The following SLC20A2 variants were observed in gnomAD, a reference collection of about 807,000 sequenced individuals.
SLC20A2 encodes solute carrier family 20 member 2.
A neutral mutation model predicts 61.0 loss-of-function variants in SLC20A2; 30 were observed. The observed-to-expected ratio is 0.49, with a 90% CI of 0.37 to 0.67. The LOEUF is 0.67. SLC20A2 is among the 30% of genes least tolerant of loss of function. SLC20A2 has a pLI of 0.00. For synonymous variants in SLC20A2, 351 were observed against 353.3 expected (o/e 0.99, Z 0.07); for missense variants, 626 against 866.4 (o/e 0.72, Z 3.48).
At chr8:42,509,166 T>C (rs1332699222) in intron 1 of SLC20A2, among the ~76,000 whole-genome samples, 1 of 152,254 alleles carries the variant, frequency 6.6e-6, no homozygotes, top group Non-Finnish European at 1.5e-5. Flanking sequence ...TATATAGATA[T>C]AGATAGGCAT....
chr8:42,493,522 C>T lies in SLC20A2; in HGVS notation c.-265+7509G>A, dbSNP rs11996467. 9.2e-3 allele frequency among the ~76,000 whole-genome samples: 1,395 copies of T among 152,206 alleles called. 9 individuals carry two copies. Among genetic ancestry groups the T allele is most frequent in the African/African-American group, 0.032 (1,331 of 41,524 alleles). ...GCTTTGAATTTAACATTCTGAACTC[C>T]GGGCCCTTCTGAAATTTTAATGGAT... On this transcript the variant is annotated intron_variant, in intron 1 of 10. Coordinates refer to ENST00000520262, the MANE Select transcript of SLC20A2 (RefSeq NM_001257180.2).
intron 10 of SLC20A2, among the ~76,000 whole-genome samples, chr8:42,419,412 AT>A (rs1206288491): frequency 5.3e-5 from 8 of 152,114 alleles, no homozygotes; most frequent in Non-Finnish European, 1.2e-4. Flanking sequence ...TCTACTAAAA[AT>A]AAAAAAAATT....
chr8:42,498,002 T>C (rs1810055366), intron 1 of SLC20A2, among the ~76,000 whole-genome samples: 1 of 152,138 alleles, frequency 6.6e-6, no homozygotes, highest in Non-Finnish European at 1.5e-5. Flanking sequence ...CCCTAACTAA[T>C]ATTACAGTTG....
At chr8:42,527,039 G>A (rs1301223478) in intron 1 of SLC20A2, among the ~76,000 whole-genome samples, 1 of 151,496 alleles carries the variant, frequency 6.6e-6, no homozygotes, top group African/African-American at 2.4e-5. Context: ...TGAGAATCGA[G>A]GCTGCAGTGA....
At chr8:42,516,878 A>C (rs975565916) in intron 1 of SLC20A2, among the ~76,000 whole-genome samples, 29 of 152,186 alleles carry the variant, frequency 1.9e-4, no homozygotes. Context: ...CTAGGCACCC[A>C]TCAGTGCAAC....
At chr8:42,488,940 T>TG (rs1192267283) in intron 1 of SLC20A2, among the ~76,000 whole-genome samples, 6 of 142,610 alleles carry the variant, frequency 4.2e-5, no homozygotes, top group Non-Finnish European at 1.5e-5. Context: ...GTTTTGTTTT[T>TG]TTTTTTTTTT....
At chr8:42,466,545 A>T (rs555117238) in intron 2 of SLC20A2, among the ~76,000 whole-genome samples, 1 of 152,370 alleles carries the variant, frequency 6.6e-6, no homozygotes, top group East Asian at 1.9e-4. Flanking sequence ...CTAGAAAGGC[A>T]ATATATTGGG....
At chr8:42,439,095 A>G (rs1184085485) in intron 7 of SLC20A2, among the ~76,000 whole-genome samples, 2 of 152,274 alleles carry the variant, frequency 1.3e-5, no homozygotes, top group East Asian at 1.9e-4. Context: ...TTCTCTTTGC[A>G]TCTTCCATAG....
At chr8:42,436,205 G>A (rs1039335625) in intron 8 of SLC20A2, among the ~76,000 whole-genome samples, 1 of 151,962 alleles carries the variant, frequency 6.6e-6, no homozygotes, top group African/African-American at 2.4e-5. Flanking sequence ...TGTGCACTCT[G>A]CCTCCTGCCT....
chr8:42,494,014 G>A (rs976458065), intron 1 of SLC20A2, among the ~76,000 whole-genome samples: 2 of 152,146 alleles, frequency 1.3e-5, no homozygotes, highest in Admixed American at 6.6e-5. Context: ...GTCGTGGTGT[G>A]TGCCAGTAGT....
chr8:42,534,229 C>T (rs989385934), intron 1 of SLC20A2, among the ~76,000 whole-genome samples: 6 of 151,894 alleles, frequency 4.0e-5, no homozygotes, highest in African/African-American at 1.5e-4. Context: ...CAGTTAGCCG[C>T]GATCGCATCA....
At chr8:42,511,629 A>T (rs1187483249) in intron 1 of SLC20A2, among the ~76,000 whole-genome samples, 1 of 151,458 alleles carries the variant, frequency 6.6e-6, no homozygotes, top group Non-Finnish European at 1.5e-5. Flanking sequence ...TCCATCTCAA[A>T]AAAAAAAAAG....
At chr8:42,515,967 T>G (rs1166994071) in intron 1 of SLC20A2, among the ~76,000 whole-genome samples, 1 of 152,178 alleles carries the variant, frequency 6.6e-6, no homozygotes, top group Admixed American at 6.5e-5. Context: ...ATGACACCAG[T>G]GCCACACAGA....
rs746457953 is a variant in SLC20A2, at chr8:42,463,100, T to TA, written c.431-11dup. The TA allele has an allele frequency of 2.5e-3, 3,538 of 1,425,340 alleles. No homozygotes were observed. The highest frequency in any genetic ancestry group is 4.4e-3 in the African/African-American group (300 of 68,678). 88.3% of individuals were successfully genotyped at this position (1,425,340 alleles called of 1,614,324 possible). ...ATAAACCAAGAAGCAACTGAATAAT[T>TA]AAAAAAAAAATCTAATGAATGTTAA... On this transcript the variant is annotated splice_polypyrimidine_tract_variant and intron_variant, in intron 3 of 10. Coordinates refer to ENST00000520262, the MANE Select transcript of SLC20A2 (RefSeq NM_001257180.2).
Position 42,424,232 on chromosome 8 carries a change from A to G in SLC20A2, c.1794+4526T>C, listed in dbSNP as rs972657890. Among the ~76,000 whole-genome samples, 4 of 152,116 alleles carry G rather than the reference A, an allele frequency of 2.6e-5. No homozygotes were observed. The East Asian group carries it at 7.7e-4, about 29-fold the overall frequency. ...ACGTGATTAAGGGTCACAGAAGGGA[A>G]GAATGATGAACGAATTGCTGAAACA... On this transcript the variant is annotated intron_variant, in intron 10 of 10. Coordinates refer to ENST00000520262, the MANE Select transcript of SLC20A2 (RefSeq NM_001257180.2).
chr8:42,502,987 C>T (rs973945348), upstream of SLC20A2, among the ~76,000 whole-genome samples: 1 of 152,222 alleles, frequency 6.6e-6, no homozygotes, highest in Non-Finnish European at 1.5e-5. Context: ...TGCATTTCTG[C>T]ATCAGAGTTT....
intron 1 of SLC20A2, chr8:42,536,533 G>C (rs1425125438): frequency 6.6e-6 from 1 of 152,224 alleles, no homozygotes; most frequent in Non-Finnish European, 1.5e-5. Context: ...CATACTGTCA[G>C]CTCCCAACAA....
Position 42,472,377 on chromosome 8 carries a change from T to C in SLC20A2, c.14A>G (p.Glu5Gly). 6.2e-7 allele frequency: 1 copy of C among 1,611,972 alleles called. No individual in the cohort carries two copies. Among genetic ancestry groups the C allele is most frequent in the Non-Finnish European group, 8.5e-7 (1 of 1,178,262 alleles). The change falls in exon 2 of 11, where the codon GAG (glutamate) becomes GGG (glycine). Residue 5 changes from glutamate to glycine, a missense_variant. Transcript: ENST00000520262. This position sits in a 1 kb window ranked among gnomAD's most constrained non-coding sequence, Gnocchi z 4.1. The stretch of plus-strand genomic sequence containing the variant: ...ACCCAAAATGACCATCCACAAATAC[T>C]CATCCATGGCCATTTTGGAAAGTGG... MAMD[E>G]YLWMVILGFI...
chr8:42,478,246 C>CT (rs1808298822), intron 1 of SLC20A2, among the ~76,000 whole-genome samples: 1 of 141,432 alleles, frequency 7.1e-6, no homozygotes, highest in African/African-American at 2.6e-5. Flanking sequence ...TAGTCTCACT[C>CT]TGTTGCCCAG....
Sources: gnomAD v4.1 joint callset for allele counts (sites outside exome capture counted in the v4.1 genomes callset) on GRCh38, gnomAD v4.1.1 for gene constraint, Gnocchi (gnomAD v3.1) non-coding constraint, MANE v1.5 for transcripts, NCBI Gene and HGNC (gene_info 2026-07-23, HGNC 2026-07-21) for gene names.